CLTB: variants seen among roughly 807,000 people sequenced by gnomAD.
CLTB encodes the protein clathrin light chain B, also known as clathrin, light chain (Lcb).
CLTB carries 10 observed loss-of-function variants against 30.5 expected under a neutral mutation model. That is an observed-to-expected ratio of 0.33 (90% CI 0.20 to 0.56). The LOEUF is 0.56. CLTB is among the 20% of genes least tolerant of loss of function. The pLI, the probability that CLTB is intolerant of heterozygous loss-of-function variation, is 0.91. For missense variants in CLTB, 261 were observed against 308.3 expected, an observed-to-expected ratio of 0.85 and a Z score of 1.15; for synonymous variants, 102 against 120.3, an observed-to-expected ratio of 0.85 and a Z score of 1.00.
intron 2 of CLTB, among the ~76,000 whole-genome samples, chr5:176,402,958 G>A (rs1756898761): frequency 1.3e-5 from 2 of 152,202 alleles, no homozygotes; most frequent in East Asian, 1.9e-4. Context: ...GCTGCCAGAT[G>A]TGGGAGGAGA....
chr5:176,405,480 CCTGT>C (rs1757054871), intron 2 of CLTB: 1 of 143,002 alleles, frequency 7.0e-6, no homozygotes, highest in African/African-American at 2.6e-5. Flanking sequence ...AGAGCAAGAC[CCTGT>C]CTCTCAAAAA....
chr5:176,405,917 A>G (rs2113663856), intron 2 of CLTB: 1 of 152,218 alleles, frequency 6.6e-6, no homozygotes, highest in Admixed American at 6.6e-5. Flanking sequence ...GCGTGTGCGT[A>G]TGAGGGACAG....
intron 1 of CLTB, 51 bp downstream of exon 1, chr5:176,416,126 G>A: frequency 1.4e-6 from 2 of 1,443,520 alleles, no homozygotes; most frequent in African/African-American, 1.5e-5. Context: ...CCCGGCCGGG[G>A]TCCCCCGGGT....
At chr5:176,406,251 G>A in intron 2 of CLTB, 1 of 1,030,628 alleles carries the variant, frequency 9.7e-7, no homozygotes, top group Non-Finnish European at 1.2e-6. Flanking sequence ...CTCCTCCCAA[G>A]CTCTGGAGAG....
At chr5:176,406,820 G>T in intron 2 of CLTB, 1 of 774,864 alleles carries the variant, frequency 1.3e-6, no homozygotes, top group Non-Finnish European at 1.8e-6. Context: ...GGCCAGACCT[G>T]CTATGCTCAA....
intron 2 of CLTB, among the ~76,000 whole-genome samples, chr5:176,400,968 G>A (rs1756789291): frequency 6.6e-6 from 1 of 152,154 alleles, no homozygotes; most frequent in Non-Finnish European, 1.5e-5. Flanking sequence ...TGAGGGAAGG[G>A]CAGGCCAGGG....
chr5:176,415,939 G>A (rs1757669757), intron 1 of CLTB, among the ~76,000 whole-genome samples: 1 of 152,198 alleles, frequency 6.6e-6, no homozygotes. Flanking sequence ...CTGGCCTGGG[G>A]ATGAAATGTC....
At chr5:176,402,111 T>G (rs936665846) in intron 2 of CLTB, among the ~76,000 whole-genome samples, 4 of 152,134 alleles carry the variant, frequency 2.6e-5, no homozygotes, top group Non-Finnish European at 4.4e-5. Flanking sequence ...GAGACCACCC[T>G]GGGCAACGTG....
intron 2 of CLTB, among the ~76,000 whole-genome samples, chr5:176,408,098 T>C (rs569420967): frequency 4.7e-4 from 71 of 152,210 alleles, no homozygotes; most frequent in Non-Finnish European, 6.5e-4. Flanking sequence ...GTGAGGACTA[T>C]TGCATGCCTC....
At position 176,393,066 on chromosome 5, in the gene CLTB, C is replaced by G; in HGVS notation, c.519-121G>C. 1.7e-6 allele frequency: 2 copies of G among 1,148,186 alleles called. No individual in the cohort carries two copies. The highest frequency in any genetic ancestry group is 2.5e-6 in the Non-Finnish European group (2 of 784,872). The allele number at this position is 1,148,186 out of a possible 1,614,324, so 71.1% of individuals were successfully genotyped here. A position where few individuals can be genotyped will look rare whatever the true frequency, so the allele number is the denominator to read the frequency against. On this transcript the variant is annotated intron_variant, in intron 5 of 5. Transcript: ENST00000310418. The surrounding 1 kb of genome is among the most constrained non-coding windows in gnomAD (Gnocchi z 4.4). ...TGTGTCCTCCCCAGCCTTGTGCCCC[C>G]CTGACTTCAGAGGAGGGCAGCCTTG...
At chr5:176,405,924 A>T (rs1445936738) in intron 2 of CLTB, 1 of 152,680 alleles carries the variant, frequency 6.5e-6, no homozygotes, top group Non-Finnish European at 1.4e-5. Flanking sequence ...CGTATGAGGG[A>T]CAGCATGGCT....
In CLTB at chr5:176,406,301, C is replaced by T. The variant is rs945925250; in HGVS notation, c.234+3956G>A. The T allele has an allele frequency of 2.3e-5, 24 of 1,054,432 alleles. No homozygotes were observed. The East Asian group carries it at 4.0e-4, about 18-fold the overall frequency. 65.3% of individuals were successfully genotyped at this position (1,054,432 alleles called of 1,614,324 possible). A position where few individuals can be genotyped will look rare whatever the true frequency, so the allele number is the denominator to read the frequency against. ...ATGGCCAGGACCAGAAGGCAGGAGG[C>T]GACAGTCAGGGCCAGGCTTGTCTCA... is the stretch of plus-strand genomic sequence containing the variant. On this transcript the variant is annotated intron_variant, in intron 2 of 5. Transcript: ENST00000310418.
intron 2 of CLTB, among the ~76,000 whole-genome samples, chr5:176,403,315 G>T (rs1756923783): frequency 6.6e-6 from 1 of 152,038 alleles, no homozygotes; most frequent in Non-Finnish European, 1.5e-5. Context: ...CTCCCAAAGT[G>T]CTGGGATTAC....
chr5:176,396,662 A>T, intron 4 of CLTB, 130 bp from the exon 5 acceptor site: 1 of 748,970 alleles, frequency 1.3e-6, no homozygotes, highest in South Asian at 1.5e-5. Flanking sequence ...GTTAGGAAGC[A>T]TAGTTCTGGA....
At position 176,392,805 on chromosome 5, in the gene CLTB, A is replaced by G; in HGVS notation, c.659T>C (p.Met220Thr). The change falls in exon 6 of 6, where the codon ATG becomes ACG. Residue 220 changes from methionine (M) to threonine (T), a missense_variant. Coordinates refer to ENST00000310418, the MANE Select transcript of CLTB (RefSeq NM_007097.5). The surrounding 1 kb of genome is among the most constrained non-coding windows in gnomAD (Gnocchi z 5.2). ...KDVSRLRSVLMSLKQTPLSR is the reference protein window; with the variant it reads ...KDVSRLRSVLTSLKQTPLSR ...GGACAGTGGCGTCTGCTTCAGGGAC[A>G]TGAGCACCGAGCGCAGGCGGGACAC... 1.2e-6 allele frequency: 2 copies of G among 1,614,236 alleles called. No homozygotes were observed. Among genetic ancestry groups the G allele is most frequent in the Non-Finnish European group, 1.7e-6 (2 of 1,180,036 alleles).
At chr5:176,412,499 C>A (rs1757495881) in intron 1 of CLTB, among the ~76,000 whole-genome samples, 1 of 152,188 alleles carries the variant, frequency 6.6e-6, no homozygotes, top group Non-Finnish European at 1.5e-5. Flanking sequence ...CTGCTGTTAT[C>A]TGCAAGGCTC....
chr5:176,415,609 T>G (rs1198003341), intron 1 of CLTB, among the ~76,000 whole-genome samples: 1 of 152,228 alleles, frequency 6.6e-6, no homozygotes, highest in Non-Finnish European at 1.5e-5. Flanking sequence ...AATAGCATAC[T>G]CCCTTGAGCC....
intron 2 of CLTB, 74 bp downstream of exon 2, chr5:176,410,183 A>G (rs371824103): frequency 1.8e-5 from 23 of 1,292,460 alleles, no homozygotes; most frequent in East Asian, 6.9e-5. Context: ...CTGTAAGCCT[A>G]CAACAATGAG....
intron 2 of CLTB, chr5:176,406,751 G>A (rs1757142245): frequency 1.6e-6 from 2 of 1,259,048 alleles, no homozygotes; most frequent in African/African-American, 1.5e-5. Context: ...GCTCTGTCTG[G>A]GATCCTTGAA....
Sources: allele counts gnomAD v4.1 joint callset (sites outside exome capture counted in the v4.1 genomes callset), GRCh38; gene constraint gnomAD v4.1.1; non-coding constraint Gnocchi (gnomAD v3.1); transcripts MANE v1.5; gene names NCBI Gene and HGNC (gene_info 2026-07-23, HGNC 2026-07-21).